Variants in ATRN observed in about 807,000 individuals in gnomAD.
The protein encoded by ATRN is attractin-2.
ATRN carries 54 observed loss-of-function variants against 178.7 expected under a neutral mutation model. That is an observed-to-expected ratio of 0.30 (90% CI 0.24 to 0.38). The LOEUF (loss-of-function observed/expected upper bound fraction) is 0.38. Ranked by LOEUF, ATRN falls within the 10% of genes least tolerant of loss-of-function variation. The pLI is 1.00. For synonymous variants in ATRN, 636 were observed against 663.0 expected, an observed-to-expected ratio of 0.96 and a Z score of 0.63; for missense variants, 1,443 against 1,815.1, an observed-to-expected ratio of 0.79 and a Z score of 3.73.
chr20:3,592,947 T>A (rs1049399339), intron 19 of ATRN, among the ~76,000 whole-genome samples: 1 of 152,216 alleles, frequency 6.6e-6, no homozygotes, highest in African/African-American at 2.4e-5. Context: ...CCCCACTCTT[T>A]GTGAATAGAC....
chr20:3,510,415 C>T (rs190154347), intron 1 of ATRN, among the ~76,000 whole-genome samples: 3 of 152,298 alleles, frequency 2.0e-5, no homozygotes, highest in Admixed American at 2.0e-4. Context: ...AGCTGTGTTT[C>T]AGGAAAACTT....
At chr20:3,502,140 TAATA>T (rs2084973164) in intron 1 of ATRN, among the ~76,000 whole-genome samples, 1 of 152,088 alleles carries the variant, frequency 6.6e-6, no homozygotes, top group African/African-American at 2.4e-5. Flanking sequence ...TTACAACATG[TAATA>T]AATATTTACA....
intron 11 of ATRN, among the ~76,000 whole-genome samples, chr20:3,568,152 G>A (rs1234324691): frequency 4.0e-5 from 6 of 151,816 alleles, no homozygotes; most frequent in African/African-American, 9.7e-5. Flanking sequence ...TTAGCTGGGC[G>A]TGGTGGCGGG....
chr20:3,587,695 TTA>T (rs1220408542), intron 18 of ATRN, among the ~76,000 whole-genome samples: 9 of 152,348 alleles, frequency 5.9e-5, no homozygotes, highest in Admixed American at 4.6e-4. Flanking sequence ...TGCAAGACTG[TTA>T]CAGCTATTCT....
At chr20:3,636,913 AATT>A (rs2087029418) in intron 26 of ATRN, among the ~76,000 whole-genome samples, 1 of 152,212 alleles carries the variant, frequency 6.6e-6, no homozygotes, top group African/African-American at 2.4e-5. Context: ...AAGGAAACAA[AATT>A]ATTATTTTCA....
rs995053234 is a variant in ATRN at position 3,597,087 on chromosome 20, G to T, written c.3469+658G>T. On this transcript the variant is annotated intron_variant, in intron 21 of 28. Transcript: ENST00000262919. Reference sequence around the variant, plus strand: ...ATATATATATATAAAACTTCTAAAAGAAAACAAGAGAAAAACATCTTGACC... The same window carrying T: ...ATATATATATATAAAACTTCTAAAATAAAACAAGAGAAAAACATCTTGACC... Among the ~76,000 whole-genome samples the T allele has an allele frequency of 2.3e-4, 8 of 34,734 alleles. No homozygotes were observed. The South Asian group carries it at 8.8e-3, about 38-fold the overall frequency. 22.8% of individuals were successfully genotyped at this position (34,734 alleles called of 152,430 possible).
At chr20:3,602,620 A>C (rs1013650136) in intron 23 of ATRN, among the ~76,000 whole-genome samples, 6 of 152,144 alleles carry the variant, frequency 3.9e-5, no homozygotes, top group African/African-American at 1.4e-4. Context: ...TTTAAGAAAA[A>C]GTCTGAATTA....
At chr20:3,581,695 G>A (rs2086284150) in intron 15 of ATRN, among the ~76,000 whole-genome samples, 2 of 152,194 alleles carry the variant, frequency 1.3e-5, no homozygotes, top group Non-Finnish European at 2.9e-5. Context: ...TACTCAGCCT[G>A]TGTTTGGGGG....
intron 1 of ATRN, among the ~76,000 whole-genome samples, chr20:3,481,404 A>G (rs1189809071): frequency 1.3e-5 from 2 of 152,166 alleles, no homozygotes; most frequent in East Asian, 3.9e-4. Context: ...GCGGTGGTGC[A>G]ATCACTGCTC....
At chr20:3,489,620 C>T in intron 1 of ATRN, 3 of 1,458,328 alleles carry the variant, frequency 2.1e-6, no homozygotes, top group Non-Finnish European at 2.9e-6. Context: ...CAGTGTCAGG[C>T]TGCCATCATT....
intron 24 of ATRN, among the ~76,000 whole-genome samples, chr20:3,620,741 G>A (rs1032360316): frequency 1.3e-5 from 2 of 152,168 alleles, no homozygotes; most frequent in Non-Finnish European, 2.9e-5. Flanking sequence ...TTGTATGGGA[G>A]GTAGGAAGTT....
At chr20:3,560,602 C>T (rs1752800551) in intron 7 of ATRN, 60 bp from the exon 8 acceptor site, 8 of 1,379,784 alleles carry the variant, frequency 5.8e-6, no homozygotes, top group Non-Finnish European at 8.0e-6. Flanking sequence ...TTGTTCTTCT[C>T]TGTTCTCAGA....
intron 6 of ATRN, among the ~76,000 whole-genome samples, chr20:3,550,185 A>G (rs567859667): frequency 1.3e-5 from 2 of 152,300 alleles, no homozygotes; most frequent in East Asian, 1.9e-4. Flanking sequence ...AAAATTAGCC[A>G]GGTGCGGTGG....
chr20:3,564,818 C>A (rs898142625), intron 10 of ATRN, among the ~76,000 whole-genome samples: 5 of 152,142 alleles, frequency 3.3e-5, no homozygotes, highest in Admixed American at 2.0e-4. Flanking sequence ...GTAATCCCAG[C>A]ACTTTGGGAG....
intron 12 of ATRN, 108 bp from the exon 13 acceptor site, chr20:3,575,719 T>G: frequency 8.0e-7 from 1 of 1,250,460 alleles, no homozygotes; most frequent in Non-Finnish European, 1.1e-6. Flanking sequence ...GCCAGTTTCA[T>G]TCTTCATTTT....
intron 1 of ATRN, among the ~76,000 whole-genome samples, chr20:3,515,341 C>T (rs1275925044): frequency 1.3e-5 from 2 of 152,106 alleles, no homozygotes; most frequent in Non-Finnish European, 2.9e-5. Flanking sequence ...GTGAGATCAC[C>T]TACCTAGTGA....
At chr20:3,493,029 TTA>T (rs1438272919) in intron 1 of ATRN, among the ~76,000 whole-genome samples, 2 of 146,802 alleles carry the variant, frequency 1.4e-5, no homozygotes, top group African/African-American at 4.9e-5. Context: ...TTATCTATAA[TTA>T]TATAAAATAT....
intron 5 of ATRN, among the ~76,000 whole-genome samples, chr20:3,548,099 T>C (rs2085734324): frequency 6.6e-6 from 1 of 152,194 alleles, no homozygotes; most frequent in Non-Finnish European, 1.5e-5. Flanking sequence ...TATCTACCAT[T>C]GTGCAAATAT....
At chr20:3,512,107 A>T (rs151567) in intron 1 of ATRN, among the ~76,000 whole-genome samples, 32,622 of 105,928 alleles carry the variant, frequency 0.31, 5,485 homozygotes, top group Admixed American at 0.35. Flanking sequence ...ATATATATAT[A>T]TTTTTTTTTT....
Sources: gnomAD v4.1 joint callset for allele counts (sites outside exome capture counted in the v4.1 genomes callset) on GRCh38, gnomAD v4.1.1 for gene constraint, MANE v1.5 for transcripts, NCBI Gene and HGNC (gene_info 2026-07-23, HGNC 2026-07-21) for gene names.